The following ADAMTS17 variants were observed in gnomAD, a reference collection of about 807,000 sequenced individuals.
ADAMTS17 encodes the protein ADAM metallopeptidase with thrombospondin type 1 motif 17, also known as A disintegrin and metalloproteinase with thrombospondin motifs 17.
Under a neutral mutation model 141.5 loss-of-function variants are expected in ADAMTS17, and 113 were observed. The ratio of observed to expected loss-of-function variants is 0.80; its 90% confidence interval spans 0.69 to 0.93. ADAMTS17 has a LOEUF of 0.93. Among genes scored for constraint, ADAMTS17 ranks in the 40% least tolerant of loss-of-function variants. The pLI is 0.00. For synonymous variants in ADAMTS17, 768 were observed against 630.6 expected (o/e 1.22, Z -3.27); for missense variants, 1,659 against 1,517.9 (o/e 1.09, Z -1.54).
chr15:100,252,264 T>C (rs2043177937), intron 7 of ADAMTS17, among the ~76,000 whole-genome samples: 1 of 152,202 alleles, frequency 6.6e-6, no homozygotes, highest in South Asian at 2.1e-4. Context: ...AACACTGGCA[T>C]TGGAGTCCCT....
chr15:100,171,499 C>T (rs1259146944), intron 8 of ADAMTS17, among the ~76,000 whole-genome samples: 2 of 152,192 alleles, frequency 1.3e-5, no homozygotes, highest in African/African-American at 4.8e-5. Context: ...CCCCTGCACG[C>T]TCCCACAACA....
chr15:100,204,781 T>C (rs1288600934), intron 7 of ADAMTS17, among the ~76,000 whole-genome samples: 1 of 152,144 alleles, frequency 6.6e-6, no homozygotes, highest in Non-Finnish European at 1.5e-5. Context: ...AATCCTAACC[T>C]CTTACAACAG....
At chr15:100,083,469 G>C (rs1405404663) in intron 15 of ADAMTS17, among the ~76,000 whole-genome samples, 2 of 152,134 alleles carry the variant, frequency 1.3e-5, no homozygotes, top group African/African-American at 4.8e-5. Flanking sequence ...CTTTCAAGAA[G>C]TTCCTTTTCA....
At chr15:100,169,218 C>G (rs1567295828) in intron 8 of ADAMTS17, among the ~76,000 whole-genome samples, 1 of 152,212 alleles carries the variant, frequency 6.6e-6, no homozygotes, top group South Asian at 2.1e-4. Flanking sequence ...TCCACCAGCA[C>G]AGCTTCCACT....
chr15:100,284,824 C>G (rs904003533), intron 3 of ADAMTS17, among the ~76,000 whole-genome samples: 5 of 152,180 alleles, frequency 3.3e-5, no homozygotes, highest in Non-Finnish European at 5.9e-5. Flanking sequence ...AGAAGAAAAA[C>G]ACTAATTTCA....
At chr15:100,034,283 C>G (rs2246782) in intron 18 of ADAMTS17, among the ~76,000 whole-genome samples, 17,759 of 152,294 alleles carry the variant, frequency 0.12, 2,762 homozygotes, top group African/African-American at 0.36. Context: ...ATGGAGGATT[C>G]AGACCTGTGG....
rs150722268 is a variant in ADAMTS17, at chr15:100,301,667, G to A, written c.617-20266C>T. Among the ~76,000 whole-genome samples the A allele has an allele frequency of 3.8e-4, 58 of 152,162 alleles. No individual in the cohort carries two copies. The East Asian group carries it at 7.3e-3, about 19-fold the overall frequency. ...TATTTCATTAGGCTTATCATCTTTA[G>A]TAATTGGGTAGGCTATTCTACTAGT... On this transcript the variant is annotated intron_variant, in intron 3 of 21. Coordinates refer to ENST00000268070, the MANE Select transcript of ADAMTS17 (RefSeq NM_139057.4).
At chr15:100,310,794 T>C (rs2045378898) in intron 3 of ADAMTS17, among the ~76,000 whole-genome samples, 1 of 152,214 alleles carries the variant, frequency 6.6e-6, no homozygotes, top group Non-Finnish European at 1.5e-5. Context: ...GGGTTTGATC[T>C]ACGACTTGCT....
chr15:100,112,278 A>G (rs536132367), intron 13 of ADAMTS17, among the ~76,000 whole-genome samples: 2 of 152,306 alleles, frequency 1.3e-5, no homozygotes, highest in African/African-American at 2.4e-5. Flanking sequence ...TCTCACCTGC[A>G]GACACTGCCC....
At chr15:100,054,356 G>A (rs1012060788) in intron 15 of ADAMTS17, among the ~76,000 whole-genome samples, 2 of 152,274 alleles carry the variant, frequency 1.3e-5, no homozygotes, top group Admixed American at 6.5e-5. Context: ...AGGGGTGGAG[G>A]GGCAGGGAAT....
intron 10 of ADAMTS17, among the ~76,000 whole-genome samples, chr15:100,134,424 A>C (rs1306650245): frequency 1.3e-5 from 2 of 152,170 alleles, no homozygotes; most frequent in Non-Finnish European, 2.9e-5. Context: ...CAGGATGACA[A>C]ACCCAATCAT....
intron 14 of ADAMTS17, among the ~76,000 whole-genome samples, chr15:100,102,965 G>A (rs1414637206): frequency 1.3e-5 from 2 of 152,054 alleles, no homozygotes; most frequent in East Asian, 1.9e-4. Flanking sequence ...GCGACTCTCC[G>A]CCTCTTCCAG....
rs1047454214 is a variant in ADAMTS17 at position 100,238,555 on chromosome 15, G to A, written c.1075+15581C>T. Among the ~76,000 whole-genome samples the A allele has an allele frequency of 2.0e-5, 3 of 152,210 alleles. No individual in the cohort carries two copies. In the East Asian group the frequency reaches 5.8e-4, roughly 29 times the overall value. ...AATCTGTGATGGACACAGCAAAGGAGAAAACACAGGGTAAAAGCAACGATG... is the reference window on the plus strand; with the variant it reads ...AATCTGTGATGGACACAGCAAAGGAAAAAACACAGGGTAAAAGCAACGATG... On this transcript the variant is annotated intron_variant, in intron 7 of 21. Transcript: ENST00000268070.
chr15:100,309,434 AC>A (rs1567519292), intron 3 of ADAMTS17, among the ~76,000 whole-genome samples: 1 of 152,112 alleles, frequency 6.6e-6, no homozygotes, highest in African/African-American at 2.4e-5. Context: ...ACCCACTGCA[AC>A]CTCGGGGGTG....
intron 7 of ADAMTS17, among the ~76,000 whole-genome samples, chr15:100,229,268 GGTA>G (rs1411768574): frequency 1.1e-4 from 16 of 152,152 alleles, no homozygotes; most frequent in Admixed American, 8.5e-4. Flanking sequence ...CTCCCTCCTA[GGTA>G]GCTCTCCCCA....
At chr15:100,263,137 C>A (rs2043589539) in intron 4 of ADAMTS17, among the ~76,000 whole-genome samples, 1 of 152,152 alleles carries the variant, frequency 6.6e-6, no homozygotes, top group African/African-American at 2.4e-5. Context: ...CCATTCTGGG[C>A]TTTCATGCTT....
intron 8 of ADAMTS17, among the ~76,000 whole-genome samples, chr15:100,159,018 G>T (rs556320226): frequency 1.5e-4 from 23 of 152,062 alleles, no homozygotes; most frequent in African/African-American, 5.6e-4. Flanking sequence ...CATGGCGTTG[G>T]TAAGAATGCA....
chr15:100,330,445 G>A (rs1445011187), intron 3 of ADAMTS17, among the ~76,000 whole-genome samples: 1 of 152,138 alleles, frequency 6.6e-6, no homozygotes, highest in South Asian at 2.1e-4. Flanking sequence ...GATGCTGCTG[G>A]CCCGGGGGCC....
intron 9 of ADAMTS17, among the ~76,000 whole-genome samples, chr15:100,154,163 A>G (rs747184551): frequency 2.0e-5 from 3 of 152,206 alleles, no homozygotes; most frequent in Non-Finnish European, 4.4e-5. Context: ...CCTGGGAGAC[A>G]GAGTGAGACT....
Sources: allele counts gnomAD v4.1 joint callset (sites outside exome capture counted in the v4.1 genomes callset), GRCh38; gene constraint gnomAD v4.1.1; transcripts MANE v1.5; gene names NCBI Gene and HGNC (gene_info 2026-07-23, HGNC 2026-07-21).